TTLL1: variants seen among roughly 807,000 people sequenced by gnomAD.
TTLL1 encodes polyglutamylase complex subunit TTLL1.
A neutral mutation model predicts 47.8 loss-of-function variants in TTLL1; 33 were observed. The observed-to-expected ratio is 0.69, with a 90% CI of 0.52 to 0.92. The LOEUF (loss-of-function observed/expected upper bound fraction) is 0.92. Ranked by LOEUF, TTLL1 falls within the 40% of genes least tolerant of loss-of-function variation. TTLL1 has a pLI of 0.00. For missense variants in TTLL1, 488 were observed against 547.5 expected (o/e 0.89, Z 1.08); for synonymous variants, 225 against 214.1 (o/e 1.05, Z -0.45).
chr22:43,059,386 C>A lies in TTLL1; in HGVS notation c.889G>T (p.Ala297Ser), dbSNP rs1927247013. 6.2e-7 allele frequency: 1 copy of A among 1,611,126 alleles called. No individual in the cohort carries two copies. Among genetic ancestry groups the A allele is most frequent in the African/African-American group, 1.3e-5 (1 of 74,892 alleles). The part of the protein sequence containing the change: ...WIIVQSLKAV[A>S]PVMNNDKHCF... ...TCCCCCGCCCGCACCAAACTCACCG[C>A]CACAGCCTTCAGGGACTGCACGATG... The change falls in exon 8 of 11, where the codon GCG becomes TCG. Residue 297 changes from alanine to serine, a missense_variant and splice_region_variant. Transcript: ENST00000266254.
intron 1 of TTLL1, among the ~76,000 whole-genome samples, chr22:43,084,507 C>T (rs5759151): frequency 0.39 from 59,164 of 150,162 alleles, 12,940 homozygotes; most frequent in Non-Finnish European, 0.48. Flanking sequence ...TTCTAGGTTT[C>T]TTTTCTTTTT....
At chr22:43,060,812 G>A (rs1927342853) in intron 7 of TTLL1, among the ~76,000 whole-genome samples, 1 of 152,206 alleles carries the variant, frequency 6.6e-6, no homozygotes, top group Admixed American at 6.5e-5. Flanking sequence ...TAAGTATAAA[G>A]TGAGAACCAT....
chr22:43,074,191 C>T (rs1485565921), intron 3 of TTLL1, among the ~76,000 whole-genome samples: 1 of 151,690 alleles, frequency 6.6e-6, no homozygotes, highest in Non-Finnish European at 1.5e-5. Context: ...CTTTGGGAGG[C>T]CAAGGCGGGC....
At chr22:43,067,891 C>T (rs548170376) in intron 5 of TTLL1, among the ~76,000 whole-genome samples, 2 of 151,938 alleles carry the variant, frequency 1.3e-5, no homozygotes, top group East Asian at 2.0e-4. Context: ...GCAACCTCTG[C>T]CTTCTGGGTT....
chr22:43,074,218 G>A (rs904513428), intron 3 of TTLL1, among the ~76,000 whole-genome samples: 6 of 151,522 alleles, frequency 4.0e-5, no homozygotes, highest in African/African-American at 1.2e-4. Flanking sequence ...CCTGAGGTCG[G>A]GAGTTCGAGA....
At chr22:43,052,921 G>A (rs866785677) in intron 8 of TTLL1, among the ~76,000 whole-genome samples, 1 of 152,004 alleles carries the variant, frequency 6.6e-6, no homozygotes, top group East Asian at 1.9e-4. Flanking sequence ...TTAGCGAGCC[G>A]TGGTGGCGCG....
intron 1 of TTLL1, among the ~76,000 whole-genome samples, chr22:43,082,384 T>A (rs1437191892): frequency 6.6e-6 from 1 of 152,134 alleles, no homozygotes; most frequent in African/African-American, 2.4e-5. Context: ...TTTCAGGGTT[T>A]CTTTTTATGT....
intron 1 of TTLL1, among the ~76,000 whole-genome samples, chr22:43,085,407 A>T (rs1569452264): frequency 6.6e-6 from 1 of 152,238 alleles, no homozygotes; most frequent in Non-Finnish European, 1.5e-5. Flanking sequence ...TCTGTATCCC[A>T]ATCTCAACTT....
intron 1 of TTLL1, among the ~76,000 whole-genome samples, chr22:43,086,845 G>A (rs984696654): frequency 2.6e-5 from 4 of 152,084 alleles, no homozygotes; most frequent in South Asian, 2.1e-4. Context: ...ACCCAGCAGC[G>A]GACCAATGTG....
intron 3 of TTLL1, among the ~76,000 whole-genome samples, chr22:43,073,786 T>C (rs1193856171): frequency 2.6e-5 from 4 of 152,076 alleles, no homozygotes. Context: ...GATTGTACAT[T>C]TAGTGCTTAG....
At chr22:43,066,293 TG>T (rs1298499865) in intron 5 of TTLL1, among the ~76,000 whole-genome samples, 1 of 151,062 alleles carries the variant, frequency 6.6e-6, no homozygotes, top group Non-Finnish European at 1.5e-5. Context: ...AGGAAGGAAA[TG>T]GGGGTGGGGT....
intron 7 of TTLL1, among the ~76,000 whole-genome samples, chr22:43,060,774 C>T (rs1399051828): frequency 1.3e-5 from 2 of 152,200 alleles, no homozygotes; most frequent in African/African-American, 4.8e-5. Context: ...AAATGTATTA[C>T]ATTGTTAGGA....
intron 8 of TTLL1, among the ~76,000 whole-genome samples, chr22:43,053,186 T>A (rs2146966790): frequency 6.6e-6 from 1 of 152,210 alleles, no homozygotes; most frequent in Non-Finnish European, 1.5e-5. Context: ...TTTTACAGGC[T>A]CCTCAGAGAC....
chr22:43,053,057 T>C (rs1926752028), intron 8 of TTLL1, among the ~76,000 whole-genome samples: 1 of 151,910 alleles, frequency 6.6e-6, no homozygotes, highest in African/African-American at 2.4e-5. Flanking sequence ...CGAAACTCTG[T>C]CTCAAAAAAC....
At position 43,059,403 on chromosome 22, in the gene TTLL1, T is replaced by C. The variant is rs755238732; in HGVS notation, c.872A>G (p.Gln291Arg). Residue 291 changes from glutamine to arginine, a missense_variant, in exon 8 of 11, where the codon CAG (glutamine) becomes CGG (arginine). Transcript: ENST00000266254. The stretch of plus-strand genomic sequence containing the variant: ...ACTCACCGCCACAGCCTTCAGGGAC[T>C]GCACGATGATCCAGTGGATCTCGTC... ...LFDEIHWIIV[Q>R]SLKAVAPVMN... is the part of the protein sequence containing the mutation. 1 of 1,613,770 alleles carries C rather than the reference T, an allele frequency of 6.2e-7. No homozygotes were observed. Among genetic ancestry groups the C allele is most frequent in the Admixed American group, 1.7e-5 (1 of 59,976 alleles).
intron 1 of TTLL1, among the ~76,000 whole-genome samples, chr22:43,085,545 C>T (rs902588205): frequency 6.6e-6 from 1 of 152,108 alleles, no homozygotes; most frequent in African/African-American, 2.4e-5. Context: ...TTTATAAATG[C>T]GAGTTCCCCT....
chr22:43,060,213 G>A (rs1377935539), intron 7 of TTLL1, among the ~76,000 whole-genome samples: 1 of 152,126 alleles, frequency 6.6e-6, no homozygotes, highest in Non-Finnish European at 1.5e-5. Flanking sequence ...AGTGCTGCCG[G>A]GATACCCTTC....
intron 9 of TTLL1, among the ~76,000 whole-genome samples, chr22:43,048,307 A>T: frequency 6.7e-6 from 1 of 150,034 alleles, no homozygotes; most frequent in African/African-American, 2.5e-5. Flanking sequence ...ACAGAGTGAG[A>T]CTCCGTCTCA....
chr22:43,053,307 G>A (rs1926773686), intron 8 of TTLL1, among the ~76,000 whole-genome samples: 1 of 152,206 alleles, frequency 6.6e-6, no homozygotes, highest in Non-Finnish European at 1.5e-5. Context: ...GAAACTCTGG[G>A]AAGGAGACAG....
Sources: gnomAD v4.1 joint callset for allele counts (sites outside exome capture counted in the v4.1 genomes callset) on GRCh38, gnomAD v4.1.1 for gene constraint, MANE v1.5 for transcripts, NCBI Gene and HGNC (gene_info 2026-07-23, HGNC 2026-07-21) for gene names.